Variants in RAD51B observed in about 807,000 individuals in gnomAD.
RAD51B encodes the protein DNA repair protein RAD51 homolog 2.
A neutral mutation model predicts 42.2 loss-of-function variants in RAD51B; 38 were observed. That is an observed-to-expected ratio of 0.90 (90% CI 0.70 to 1.18). The LOEUF is 1.18. Among genes scored for constraint, RAD51B ranks in the 50% most tolerant of loss-of-function variants. The pLI is 0.00. For synonymous variants in RAD51B, 154 were observed against 145.2 expected (o/e 1.06, Z -0.43); for missense variants, 373 against 400.7 (o/e 0.93, Z 0.59).
chr14:68,050,135 C>G (rs1473065619), intron 7 of RAD51B, among the ~76,000 whole-genome samples: 2 of 152,126 alleles, frequency 1.3e-5, no homozygotes, highest in Non-Finnish European at 2.9e-5. Flanking sequence ...CAGGCAGTAT[C>G]ATAAAGATGA....
At chr14:68,123,883 G>A (rs1325362651) in intron 7 of RAD51B, among the ~76,000 whole-genome samples, 2 of 152,170 alleles carry the variant, frequency 1.3e-5, no homozygotes, top group Non-Finnish European at 2.9e-5. Context: ...AAAAGACTTT[G>A]TGCACAAGCA....
At chr14:68,289,754 T>C (rs1595666219) in intron 7 of RAD51B, among the ~76,000 whole-genome samples, 2 of 152,174 alleles carry the variant, frequency 1.3e-5, no homozygotes, top group Non-Finnish European at 2.9e-5. Context: ...TCCTTATTTA[T>C]ACTCATAGAG....
chr14:68,276,596 A>G (rs911514342), intron 7 of RAD51B, among the ~76,000 whole-genome samples: 6 of 152,114 alleles, frequency 3.9e-5, no homozygotes, highest in Non-Finnish European at 5.9e-5. Context: ...TGTCAGTCAC[A>G]TGTTGAGCCA....
At chr14:68,181,065 T>G (rs1385851694) in intron 7 of RAD51B, among the ~76,000 whole-genome samples, 1 of 152,236 alleles carries the variant, frequency 6.6e-6, no homozygotes, top group East Asian at 1.9e-4. Context: ...GTTTGGATGC[T>G]CTTTGAAAGA....
rs552501377 is a variant in RAD51B at position 68,184,045 on chromosome 14, A to G, written c.757-107839A>G. Reference sequence around the variant, plus strand: ...GAGACAGAGCTTGCAGTGAGCGGAGATCACGCCACTGCACTCCAGCCTGGG... The same window carrying G: ...GAGACAGAGCTTGCAGTGAGCGGAGGTCACGCCACTGCACTCCAGCCTGGG... On this transcript the variant is annotated intron_variant, in intron 7 of 10. Coordinates refer to ENST00000471583, the MANE Select transcript of RAD51B (RefSeq NM_133510.4). 2.0e-4 allele frequency among the ~76,000 whole-genome samples: 30 copies of G among 149,726 alleles called. No homozygotes were observed. The South Asian group carries it at 6.4e-3, about 32-fold the overall frequency.
At chr14:68,064,350 T>C (rs1434592997) in intron 7 of RAD51B, among the ~76,000 whole-genome samples, 1 of 152,192 alleles carries the variant, frequency 6.6e-6, no homozygotes, top group Non-Finnish European at 1.5e-5. Flanking sequence ...ATATGTGACC[T>C]GATGCTTTTC....
intron 4 of RAD51B, among the ~76,000 whole-genome samples, chr14:67,842,524 C>G (rs1007281957): frequency 6.6e-6 from 1 of 152,142 alleles, no homozygotes; most frequent in Non-Finnish European, 1.5e-5. Flanking sequence ...CGTGCACTAC[C>G]ACTCCCAGCT....
At chr14:68,594,999 A>C (rs1890931876) in exon 11 of RAD51B, 2 of 1,077,198 alleles carry the variant, frequency 1.9e-6, no homozygotes, top group Middle Eastern at 4.1e-4. Flanking sequence ...CTTGAGGCTG[A>C]GACAAACTAG....
At chr14:68,210,769 G>A (rs970660253) in intron 7 of RAD51B, among the ~76,000 whole-genome samples, 5 of 152,222 alleles carry the variant, frequency 3.3e-5, no homozygotes, top group East Asian at 1.9e-4. Context: ...AAGGAAATGC[G>A]CTTGTGATCA....
chr14:68,600,464 A>G (rs1891172913), downstream of RAD51B, among the ~76,000 whole-genome samples: 1 of 152,098 alleles, frequency 6.6e-6, no homozygotes, highest in South Asian at 2.1e-4. Flanking sequence ...GCCAGCCCTC[A>G]TTATCCAACA....
At chr14:68,514,087 C>G (rs1280289369) in intron 10 of RAD51B, among the ~76,000 whole-genome samples, 3 of 152,240 alleles carry the variant, frequency 2.0e-5, no homozygotes, top group African/African-American at 7.2e-5. Flanking sequence ...AATCTCCATC[C>G]TCGCTCTGCT....
At chr14:68,220,358 T>TA (rs398099436) in intron 7 of RAD51B, among the ~76,000 whole-genome samples, 1 of 152,100 alleles carries the variant, frequency 6.6e-6, no homozygotes, top group African/African-American at 2.4e-5. Flanking sequence ...GAAATAAAAT[T>TA]AAAAATCACA....
chr14:68,013,762 A>G (rs972820887), intron 7 of RAD51B, among the ~76,000 whole-genome samples: 1 of 152,210 alleles, frequency 6.6e-6, no homozygotes, highest in Non-Finnish European at 1.5e-5. Context: ...TCCTGCATGC[A>G]TCATATTAGA....
chr14:68,678,099 ACT>A lies in RAD51B; in HGVS notation c.*11+27245_*11+27246del, dbSNP rs200255246. On this transcript the variant is annotated intron_variant, in intron 11 of 11. Coordinates refer to the RAD51B transcript ENST00000488612. The stretch of plus-strand genomic sequence containing the variant: ...ACATTTTACAGATAAGGAATATGAG[ACT>A]CAGAGATAAAATAACTTGCCCAAGG... 5.0e-4 allele frequency among the ~76,000 whole-genome samples: 76 copies of A among 152,310 alleles called. 1 individual carries two copies. The East Asian group carries it at 0.011, about 22-fold the overall frequency.
chr14:67,862,659 A>G (rs567319196), intron 4 of RAD51B, among the ~76,000 whole-genome samples: 27 of 152,174 alleles, frequency 1.8e-4, no homozygotes, highest in Non-Finnish European at 3.8e-4. Context: ...CTCAGCTTAC[A>G]ATTAAGTACT....
intron 7 of RAD51B, among the ~76,000 whole-genome samples, chr14:68,116,612 GT>G (rs1309643614): frequency 1.3e-5 from 2 of 152,080 alleles, no homozygotes; most frequent in African/African-American, 4.8e-5. Flanking sequence ...GAACCTTTAA[GT>G]TTTACTGCTT....
chr14:68,627,728 C>G (rs1892121602), intron 10 of RAD51B, among the ~76,000 whole-genome samples: 1 of 152,228 alleles, frequency 6.6e-6, no homozygotes, highest in Non-Finnish European at 1.5e-5. Context: ...CCCCCCAACT[C>G]ACTCCTAGTC....
At chr14:67,908,585 A>G (rs2043859490) in intron 7 of RAD51B, 1 of 152,022 alleles carries the variant, frequency 6.6e-6, no homozygotes, top group African/African-American at 2.4e-5. Flanking sequence ...TGGAAGCCAG[A>G]GAGACATTTG....
rs75165526 is a variant in RAD51B, at chr14:68,201,758, G to T, written c.757-90126G>T. On this transcript the variant is annotated intron_variant, in intron 7 of 10. Coordinates refer to ENST00000471583, the MANE Select transcript of RAD51B (RefSeq NM_133510.4). ...AGGGTATAGGGAAGGCTCTGTGGAA[G>T]AGGAGAGATTTAAATAAGGCTTACA... 6.4e-4 allele frequency among the ~76,000 whole-genome samples: 98 copies of T among 152,348 alleles called. 1 individual carries two copies. The East Asian group carries it at 0.019, about 29-fold the overall frequency.
Sources: gnomAD v4.1 joint callset for allele counts (sites outside exome capture counted in the v4.1 genomes callset) on GRCh38, gnomAD v4.1.1 for gene constraint, MANE v1.5 for transcripts, NCBI Gene and HGNC (gene_info 2026-07-23, HGNC 2026-07-21) for gene names.